The following L3MBTL4 variants were observed in gnomAD, a reference collection of about 807,000 sequenced individuals.
L3MBTL4 encodes lethal(3)malignant brain tumor-like protein 4.
L3MBTL4 carries 70 observed loss-of-function variants against 84.5 expected under a neutral mutation model. The ratio of observed to expected loss-of-function variants is 0.83; its 90% CI spans 0.68 to 1.01. L3MBTL4 has a LOEUF of 1.01. Among genes scored for constraint, L3MBTL4 ranks in the 50% least tolerant of loss-of-function variants. The pLI is 0.00. For missense variants in L3MBTL4, 715 were observed against 754.8 expected, an observed-to-expected ratio of 0.95 and a Z score of 0.62; for synonymous variants, 274 against 259.8, an observed-to-expected ratio of 1.05 and a Z score of -0.52.
intron 16 of L3MBTL4, among the ~76,000 whole-genome samples, chr18:6,005,405 T>C (rs1034377280): frequency 2.6e-4 from 40 of 152,056 alleles, no homozygotes; most frequent in Admixed American, 2.1e-3. Context: ...TTGCATGTCA[T>C]GAGGGTTTGG....
At chr18:6,027,747 T>C (rs1220283454) in intron 16 of L3MBTL4, among the ~76,000 whole-genome samples, 1 of 152,202 alleles carries the variant, frequency 6.6e-6, no homozygotes, top group African/African-American at 2.4e-5. Context: ...CGTGAGATGG[T>C]ATCTCACTGT....
At chr18:6,292,587 G>A (rs2049914354) in intron 4 of L3MBTL4, among the ~76,000 whole-genome samples, 1 of 152,144 alleles carries the variant, frequency 6.6e-6, no homozygotes, top group South Asian at 2.1e-4. Flanking sequence ...GAGACAACTA[G>A]GATAGGTCCT....
At position 5,960,128 on chromosome 18, in the gene L3MBTL4, C is replaced by A; in HGVS notation, c.1643G>T (p.Gly548Val). The stretch of plus-strand genomic sequence containing the variant: ...AAAGCACTTGGCATGCTCTTCACAG[C>A]CCAGAAGAGACTGTACAAACTCAGC... ...EVAEFVQSLL[G>V]CEEHAKCFKK... The change falls in exon 18 of 19, where the codon GGC becomes GTC. Residue 548 changes from glycine to valine, a missense_variant. Transcript: ENST00000317931. The A allele has an allele frequency of 3.8e-6, 6 of 1,593,318 alleles. No individual in the cohort carries two copies. Among genetic ancestry groups the A allele is most frequent in the South Asian group, 1.2e-5 (1 of 86,860 alleles).
At chr18:6,144,448 C>A (rs571958377) in intron 13 of L3MBTL4, among the ~76,000 whole-genome samples, 6 of 152,110 alleles carry the variant, frequency 3.9e-5, no homozygotes, top group Admixed American at 2.6e-4. Context: ...TGGCAAGGTT[C>A]TTTAGGAAAG....
chr18:6,353,064 C>A (rs2053272648), intron 1 of L3MBTL4, among the ~76,000 whole-genome samples: 1 of 152,070 alleles, frequency 6.6e-6, no homozygotes, highest in Non-Finnish European at 1.5e-5. Context: ...TAAATGCAAC[C>A]TAGTGCAGTG....
rs2049099692 is a variant in L3MBTL4, at chr18:6,276,814, TTA to T, written c.128-12778_128-12777del. Among the ~76,000 whole-genome samples, 3 of 152,126 alleles carry T rather than the reference TTA, an allele frequency of 2.0e-5. No individual in the cohort carries two copies. In the South Asian group the frequency reaches 6.2e-4, roughly 32 times the overall value. ...GAAAAGAAATAGGAAATGCTAGCAG[TTA>T]GCGGCTCTATAAATTTCCGATGTGG... On this transcript the variant is annotated intron_variant, in intron 4 of 18. Coordinates refer to ENST00000317931, the MANE Select transcript of L3MBTL4 (RefSeq NM_001330559.2).
At chr18:5,974,226 AGG>A (rs1322899770) in intron 16 of L3MBTL4, among the ~76,000 whole-genome samples, 4 of 152,230 alleles carry the variant, frequency 2.6e-5, no homozygotes, top group African/African-American at 9.6e-5. Flanking sequence ...ATTTCATTCA[AGG>A]TGCTTACAGA....
Position 6,264,014 on chromosome 18 carries a change from G to A in L3MBTL4, c.152C>T (p.Ala51Val). Reference sequence around the variant, plus strand: ...TTTCAAGTACCACTCCCAAGACCATGCTCCCTGTGCAGCCGCTGAAGGGAC... The same window carrying A: ...TTTCAAGTACCACTCCCAAGACCATACTCCCTGTGCAGCCGCTGAAGGGAC... ...SHVPSAAAQG[A>V]WSWEWYLKEQ... The change falls in exon 5 of 19, where the codon GCA (alanine) becomes GTA (valine). Residue 51 changes from alanine to valine, a missense_variant. Coordinates refer to ENST00000317931, the MANE Select transcript of L3MBTL4 (RefSeq NM_001330559.2). 1 of 1,613,658 alleles carries A rather than the reference G, an allele frequency of 6.2e-7. No homozygotes were observed. The highest frequency in any genetic ancestry group is 1.1e-5 in the South Asian group (1 of 91,068).
At chr18:6,180,572 T>C (rs763504397) in intron 12 of L3MBTL4, among the ~76,000 whole-genome samples, 1 of 152,230 alleles carries the variant, frequency 6.6e-6, no homozygotes, top group Non-Finnish European at 1.5e-5. Context: ...ACAAATATCA[T>C]AGAAAAACTT....
intron 16 of L3MBTL4, among the ~76,000 whole-genome samples, chr18:6,049,667 C>G (rs529191833): frequency 6.6e-6 from 1 of 152,150 alleles, no homozygotes; most frequent in Non-Finnish European, 1.5e-5. Flanking sequence ...TTAAATATCA[C>G]GTACTCATGG....
intron 5 of L3MBTL4, among the ~76,000 whole-genome samples, chr18:6,245,524 C>G (rs577219145): frequency 6.6e-6 from 1 of 151,282 alleles, no homozygotes; most frequent in East Asian, 1.9e-4. Flanking sequence ...CAATTATTTT[C>G]TATACATTCT....
intron 16 of L3MBTL4, among the ~76,000 whole-genome samples, chr18:5,975,355 A>G (rs991448443): frequency 1.3e-5 from 2 of 152,170 alleles, no homozygotes; most frequent in African/African-American, 2.4e-5. Context: ...AATAAAAAAA[A>G]TGCAGTCGGT....
At chr18:5,957,368 C>A (rs1308576181) in intron 18 of L3MBTL4, among the ~76,000 whole-genome samples, 1 of 152,098 alleles carries the variant, frequency 6.6e-6, no homozygotes, top group Admixed American at 6.5e-5. Flanking sequence ...TGTATTCAAT[C>A]TTGTTTTGAC....
chr18:6,021,259 T>C (rs892327916), intron 16 of L3MBTL4, among the ~76,000 whole-genome samples: 1 of 152,150 alleles, frequency 6.6e-6, no homozygotes, highest in African/African-American at 2.4e-5. Flanking sequence ...GGGGAGGAGC[T>C]CTGCAGAGGC....
chr18:6,119,070 C>G (rs2059448443), intron 14 of L3MBTL4, among the ~76,000 whole-genome samples: 1 of 145,360 alleles, frequency 6.9e-6, no homozygotes, highest in Non-Finnish European at 1.5e-5. Flanking sequence ...AGGCTGAGTC[C>G]ACCTCTGCTG....
chr18:6,203,582 C>T (rs2045740817), intron 12 of L3MBTL4, among the ~76,000 whole-genome samples: 2 of 152,168 alleles, frequency 1.3e-5, no homozygotes, highest in South Asian at 4.1e-4. Flanking sequence ...GGCAGCAAAA[C>T]CTACCACCCT....
intron 12 of L3MBTL4, among the ~76,000 whole-genome samples, chr18:6,208,056 G>A (rs903472209): frequency 6.6e-6 from 1 of 151,756 alleles, no homozygotes; most frequent in African/African-American, 2.4e-5. Flanking sequence ...TCAAGGCTGC[G>A]GCAGGCCATG....
At chr18:6,030,811 T>A in intron 16 of L3MBTL4, 4 of 985,282 alleles carry the variant, frequency 4.1e-6, no homozygotes, top group Non-Finnish European at 4.8e-6. Context: ...CTTACGATAA[T>A]GAAGTAAAAC....
At chr18:5,985,321 G>A (rs944950417) in intron 16 of L3MBTL4, among the ~76,000 whole-genome samples, 1 of 152,166 alleles carries the variant, frequency 6.6e-6, no homozygotes, top group African/African-American at 2.4e-5. Flanking sequence ...TGCAGGTAAA[G>A]AATAGATTAT....
Sources: gnomAD v4.1 joint callset for allele counts (sites outside exome capture counted in the v4.1 genomes callset) on GRCh38, gnomAD v4.1.1 for gene constraint, MANE v1.5 for transcripts, NCBI Gene and HGNC (gene_info 2026-07-23, HGNC 2026-07-21) for gene names.